Variants in NEB observed in about 807,000 individuals in gnomAD.
NEB encodes nemaline myopathy type 2.
In NEB, 512 loss-of-function variants were observed where a neutral mutation model predicts 952.2. The ratio of observed to expected loss-of-function variants is 0.54; its 90% CI spans 0.50 to 0.58. NEB has a LOEUF of 0.58. Among genes scored for constraint, NEB ranks in the 20% least tolerant of loss-of-function variants. NEB has a pLI of 0.00. For missense variants in NEB, 8,428 were observed against 9,231.1 expected, an observed-to-expected ratio of 0.91 and a Z score of 3.56; for synonymous variants, 2,900 against 3,149.8, an observed-to-expected ratio of 0.92 and a Z score of 2.66.
chr2:151,521,716 G>T (rs1320603231), intron 153 of NEB, among the ~76,000 whole-genome samples: 4 of 152,168 alleles, frequency 2.6e-5, no homozygotes, highest in Non-Finnish European at 4.4e-5. Context: ...TTCCACTTCA[G>T]TTTCTTTTTC....
chr2:151,535,908 T>C (rs1559656930), intron 141 of NEB, 113 bp from the exon 142 acceptor site: 1 of 623,792 alleles, frequency 1.6e-6, no homozygotes, highest in Non-Finnish European at 2.7e-6. Context: ...AACTAACACA[T>C]ATTCGTTTGT....
At position 151,655,264 on chromosome 2, in the gene NEB, A is replaced by C. The variant is rs10930723; in HGVS notation, c.6807+6T>G. The C allele has an allele frequency of 0.21, 304,814 of 1,477,502 alleles. 44,208 individuals carry two copies. Among genetic ancestry groups the C allele is most frequent in the East Asian group, 0.62 (27,118 of 43,612 alleles). The allele number at this position is 1,477,502 out of a possible 1,614,324, so 91.5% of individuals were successfully genotyped here. On this transcript the variant is annotated splice_donor_region_variant and intron_variant, in intron 51 of 181. Coordinates refer to ENST00000397345, the MANE Select transcript of NEB (RefSeq NM_001164508.2). ...AAACTTAAAATTAATTTTTATATAA[A>C]TTTACCTGACTATACAGTGTTTGAT...
chr2:151,656,282 G>T lies in NEB; in HGVS notation c.6366C>A (p.Val2122=). 1 of 1,613,646 alleles carries T rather than the reference G, an allele frequency of 6.2e-7. No individual in the cohort carries two copies. The highest frequency in any genetic ancestry group is 8.5e-7 in the Non-Finnish European group (1 of 1,179,716). ...TGGCTTGGGCATCCTTTGCAGCCGT[G>T]ACACTGAGCATGTCGGCAGGGGTGT... ...SYHTPADMLS[V]TAAKDAQANI... The change falls in exon 49 of 182, where the codon GTC becomes GTA. Residue 2122 remains valine (V), a synonymous_variant. Coordinates refer to ENST00000397345, the MANE Select transcript of NEB (RefSeq NM_001164508.2).
At chr2:151,626,414 C>T (rs1420284185) in intron 70 of NEB, among the ~76,000 whole-genome samples, 1 of 152,206 alleles carries the variant, frequency 6.6e-6, no homozygotes, top group Non-Finnish European at 1.5e-5. Context: ...CCATGCCCGG[C>T]TTGCATCTTT....
At position 151,663,629 on chromosome 2, in the gene NEB, C is replaced by G. The variant is rs2099171004; in HGVS notation, c.5682G>C (p.Arg1894Ser). The G allele has an allele frequency of 1.2e-6, 2 of 1,613,780 alleles. No homozygotes were observed. Among genetic ancestry groups the G allele is most frequent in the Non-Finnish European group, 1.7e-6 (2 of 1,179,760 alleles). Residue 1894 changes from arginine (R) to serine (S), a missense_variant, in exon 45 of 182, where the codon AGG becomes AGC. By Grantham distance (110) the Arg-to-Ser change is moderately radical (BLOSUM62 -1). Around this residue, in one of 11 missense-constraint regions of NEB, gnomAD observed 2,851 missense variants for 2,791.5 expected, o/e 1.02. Transcript: ENST00000397345. ...GCATGTTGTAGGTATGGATCACGTT[C>G]CTGTAGTTGGCATTGGTGGCCACTT... ...SQEVATNANYRNVIHTYNMLP... is the reference protein window; with the variant it reads ...SQEVATNANYSNVIHTYNMLP...
intron 32 of NEB, among the ~76,000 whole-genome samples, chr2:151,678,785 A>C (rs1486361603): frequency 6.6e-6 from 1 of 151,948 alleles, no homozygotes; most frequent in Non-Finnish European, 1.5e-5. Flanking sequence ...ACATGAGGGA[A>C]GGTTCGTGGA....
At position 151,518,409 on chromosome 2, in the gene NEB, T is replaced by G; in HGVS notation, c.22709A>C (p.Lys7570Thr). 6.2e-7 allele frequency: 1 copy of G among 1,604,730 alleles called. No individual in the cohort carries two copies. The highest frequency in any genetic ancestry group is 8.5e-7 in the Non-Finnish European group (1 of 1,171,814). The change falls in exon 156 of 182, where the codon AAG (lysine) becomes ACG (threonine). Residue 7570 changes from lysine to threonine, a missense_variant. By Grantham distance (78) the Lys-to-Thr change is moderately conservative (BLOSUM62 -1). Transcript: ENST00000397345. Reference protein sequence around the residue: ...SQLASSYQYKKKYEKSKGHYH... With the variant: ...SQLASSYQYKTKYEKSKGHYH... ...GTGGCCTTTACTCTTCTCATACTTC[T>G]TCTTGTACTGGTACTGAGGGGAAGG...
chr2:151,506,173 A>T lies in NEB; in HGVS notation c.23642T>A (p.Ile7881Asn). The T allele has an allele frequency of 6.2e-7, 1 of 1,610,288 alleles. No individual in the cohort carries two copies. The highest frequency in any genetic ancestry group is 1.1e-5 in the South Asian group (1 of 90,996). ...CATTCACTGTGTCTTTACCGAGCTA[A>T]TGTGGTCCTGTGTTTGTTTCACTCT... Reference protein sequence around the residue: ...MMRVKQTQDHISSVKYKEAIG... With the variant: ...MMRVKQTQDHNSSVKYKEAIG... The change falls in exon 164 of 182, where the codon ATT (isoleucine) becomes AAT (asparagine). Residue 7881 changes from isoleucine to asparagine, a missense_variant. Coordinates refer to ENST00000397345, the MANE Select transcript of NEB (RefSeq NM_001164508.2).
chr2:151,486,160 C>T (rs11695285), intron 181 of NEB: 16,589 of 471,554 alleles, frequency 0.035, 654 homozygotes, highest in East Asian at 0.13. Context: ...TCCTACAACT[C>T]AATGCCTTCC....
Position 151,654,014 on chromosome 2 carries a change from G to GCTTCA in NEB, c.6892_6893insTGAAG (p.Ala2298ValfsTer40). 6.2e-7 allele frequency: 1 copy of GCTTCA among 1,612,168 alleles called. No individual in the cohort carries two copies. Among genetic ancestry groups the GCTTCA allele is most frequent in the Non-Finnish European group, 8.5e-7 (1 of 1,178,630 alleles). On this transcript the variant is annotated frameshift_variant, in exon 52 of 182. Transcript: ENST00000397345. LOFTEE classifies it high-confidence loss of function. ...CACATCACTAGCAATGTCTCTTGAAGCTTTAGCTAGCTGTACAGAAATTGC... is the reference window on the plus strand; with the variant it reads ...CACATCACTAGCAATGTCTCTTGAAGCTTCACTTTAGCTAGCTGTACAGAAATTGC...
chr2:151,487,046 TG>T (rs2051157645), intron 181 of NEB, among the ~76,000 whole-genome samples: 2 of 151,254 alleles, frequency 1.3e-5, no homozygotes, highest in East Asian at 3.9e-4. Flanking sequence ...TGCATGAAAT[TG>T]TGTGTGTGTG....
chr2:151,506,227 G>C lies in NEB; in HGVS notation c.23588C>G (p.Thr7863Arg). 6.2e-7 allele frequency: 1 copy of C among 1,613,496 alleles called. No homozygotes were observed. Among genetic ancestry groups the C allele is most frequent in the Non-Finnish European group, 8.5e-7 (1 of 1,179,448 alleles). The part of the protein sequence containing the change: ...VLYKEDVSPG[T>R]AIGKTPEMMR... ...CATCTCAGGTGTCTTTCCGATAGCCGTTCCTGGTGAGACATCCTCTTTATA... is the reference window on the plus strand; with the variant it reads ...CATCTCAGGTGTCTTTCCGATAGCCCTTCCTGGTGAGACATCCTCTTTATA... Residue 7863 changes from threonine to arginine, a missense_variant, in exon 164 of 182, where the codon ACG becomes AGG. By Grantham distance (71) the Thr-to-Arg change is moderately conservative. Around this residue, in one of 11 missense-constraint regions of NEB, gnomAD observed 3,374 missense variants for 3,651.5 expected, o/e 0.92. Coordinates refer to ENST00000397345, the MANE Select transcript of NEB (RefSeq NM_001164508.2).
intron 24 of NEB, among the ~76,000 whole-genome samples, 167 bp from the exon 25 acceptor site, chr2:151,688,563 G>A (rs746912117): frequency 1.6e-4 from 24 of 151,978 alleles, no homozygotes; most frequent in Non-Finnish European, 7.4e-5. Flanking sequence ...CCTATTTCAG[G>A]GACTGTGGCA....
intron 164 of NEB, 87 bp downstream of exon 164, chr2:151,506,079 A>C (rs974918466): frequency 8.7e-7 from 1 of 1,146,036 alleles, no homozygotes; most frequent in African/African-American, 1.5e-5. Flanking sequence ...GTTTCTGGTG[A>C]CAGAGGCTTT....
Position 151,639,293 on chromosome 2 carries a change from A to G in NEB, c.8981T>C (p.Ile2994Thr). ...PEIMLARMNK[I>T]NYSESLYKLA... ...ATCTGCTCTCACCTCACTGTAGTTG[A>G]TTTTGTTCATTCTTGCCAACATAAT... The change falls in exon 63 of 182, where the codon ATC becomes ACC. Residue 2994 changes from isoleucine to threonine, a missense_variant. Around this residue, in one of 11 missense-constraint regions of NEB, gnomAD observed 1,772 missense variants for 1,960.3 expected, o/e 0.90. Coordinates refer to ENST00000397345, the MANE Select transcript of NEB (RefSeq NM_001164508.2). 6.5e-7 allele frequency: 1 copy of G among 1,540,538 alleles called. No individual in the cohort carries two copies. Among genetic ancestry groups the G allele is most frequent in the Non-Finnish European group, 8.7e-7 (1 of 1,145,896 alleles).
chr2:151,526,006 C>G lies in NEB; in HGVS notation c.22113G>C (p.Glu7371Asp), dbSNP rs971409812. 25 of 1,613,874 alleles carry G rather than the reference C, an allele frequency of 1.5e-5. No individual in the cohort carries two copies. Among genetic ancestry groups the G allele is most frequent in the Non-Finnish European group, 2.1e-5 (25 of 1,179,878 alleles). ...CCTTGACGTGAACAGTGTCCCGGGT[C>G]TCTGGTAGTGTTGTGTATGAGCCCT... ...LAQGSYTTLP[E>D]TRDTVHVKEV... The change falls in exon 150 of 182, where the codon GAG becomes GAC. Residue 7371 changes from glutamate to aspartate, a missense_variant. Around this residue, in one of 11 missense-constraint regions of NEB, gnomAD observed 3,374 missense variants for 3,651.5 expected, o/e 0.92. Coordinates refer to ENST00000397345, the MANE Select transcript of NEB (RefSeq NM_001164508.2).
Position 151,633,132 on chromosome 2 carries a change from A to G in NEB, c.9414+522T>C, listed in dbSNP as rs1414164347. On this transcript the variant is annotated intron_variant, in intron 65 of 181. Coordinates refer to ENST00000397345, the MANE Select transcript of NEB (RefSeq NM_001164508.2). ...CTCATATCCAGATTTGAGATAGTGT[A>G]TCTGCTTCCAATAGGTAGTAGGCTC... Among the ~76,000 whole-genome samples, 3 of 152,208 alleles carry G rather than the reference A, an allele frequency of 2.0e-5. No individual in the cohort carries two copies. The East Asian group carries it at 5.8e-4, about 29-fold the overall frequency.
Position 151,669,079 on chromosome 2 carries a change from G to T in NEB, c.4559C>A (p.Pro1520His). 2 of 1,595,720 alleles carry T rather than the reference G, an allele frequency of 1.3e-6. No individual in the cohort carries two copies. The highest frequency in any genetic ancestry group is 1.7e-6 in the Non-Finnish European group (2 of 1,170,090). ...EKLKHKYTID[P>H]ELPQFIQAKV... ...GGCTTGAATAAACTGAGGCAATTCA[G>T]GGTCAATAGTATACTTGTGCTTCAG... Residue 1520 changes from proline (P) to histidine (H), a missense_variant, in exon 39 of 182, where the codon CCT (proline) becomes CAT (histidine). By Grantham distance (77) the Pro-to-His change is moderately conservative. Coordinates refer to ENST00000397345, the MANE Select transcript of NEB (RefSeq NM_001164508.2).
chr2:151,717,388 A>AGGG (rs1473811003), intron 10 of NEB, 28 bp downstream of exon 10: 5 of 1,426,114 alleles, frequency 3.5e-6, no homozygotes, highest in Non-Finnish European at 5.0e-6. Context: ...TCTTCAAGGG[A>AGGG]GGCAATGTCC....
Sources: gnomAD v4.1 joint callset for allele counts (sites outside exome capture counted in the v4.1 genomes callset) on GRCh38, gnomAD v4.1.1 for gene constraint, gnomAD v4.1.1 regional missense constraint, MANE v1.5 for transcripts, NCBI Gene and HGNC (gene_info 2026-07-23, HGNC 2026-07-21) for gene names.